Variants in SLC1A1 observed in about 807,000 individuals in gnomAD.
The protein encoded by SLC1A1 is excitatory amino acid transporter 3.
A neutral mutation model predicts 53.3 loss-of-function variants in SLC1A1; 43 were observed. The ratio of observed to expected loss-of-function variants is 0.81; its 90% CI spans 0.63 to 1.04. The LOEUF is 1.04. Ranked by LOEUF, SLC1A1 falls within the 50% of genes least tolerant of loss-of-function variation. The pLI, the probability that SLC1A1 is intolerant of heterozygous loss-of-function variation, is 0.00. For synonymous variants in SLC1A1, 307 were observed against 243.2 expected (o/e 1.26, Z -2.44); for missense variants, 748 against 664.9 (o/e 1.12, Z -1.37).
At chr9:4,520,017 T>C (rs1190807857) in intron 1 of SLC1A1, among the ~76,000 whole-genome samples, 1 of 152,254 alleles carries the variant, frequency 6.6e-6, no homozygotes, top group African/African-American at 2.4e-5. Flanking sequence ...TTCTGTTGGC[T>C]GTTTTGATTT....
At chr9:4,534,441 C>G (rs1466126751) in intron 1 of SLC1A1, among the ~76,000 whole-genome samples, 1 of 152,164 alleles carries the variant, frequency 6.6e-6, no homozygotes, top group Non-Finnish European at 1.5e-5. Context: ...CACCTCTACA[C>G]AAATAAACCA....
rs1586778556 is a variant in SLC1A1, at chr9:4,556,075, A to G, written c.233-5374A>G. 6.7e-6 allele frequency among the ~76,000 whole-genome samples: 1 copy of G among 150,354 alleles called. No individual in the cohort carries two copies. Among genetic ancestry groups the G allele is most frequent in the Non-Finnish European group, 1.5e-5 (1 of 67,772 alleles). On this transcript the variant is annotated intron_variant, in intron 2 of 11. Transcript: ENST00000262352. The surrounding 1 kb of genome is among the most constrained non-coding windows in gnomAD (Gnocchi z 4.1). ...ATGATATCGGCTCACTGCAACCTCC[A>G]CCTCCCAGGTTCAAGAGATTCTCCT...
chr9:4,556,573 T>A lies in SLC1A1; in HGVS notation c.233-4876T>A, dbSNP rs1005171114. On this transcript the variant is annotated intron_variant, in intron 2 of 11. Coordinates refer to ENST00000262352, the MANE Select transcript of SLC1A1 (RefSeq NM_004170.6). The surrounding 1 kb of genome is among the most constrained non-coding windows in gnomAD (Gnocchi z 4.1). ...GAGAGCAAGAAACCCGGGGGTCCAT[T>A]GAGAATAAAAACTCAGAACTAAAGG... Among the ~76,000 whole-genome samples, 4 of 152,104 alleles carry A rather than the reference T, an allele frequency of 2.6e-5. No homozygotes were observed. Among genetic ancestry groups the A allele is most frequent in the African/African-American group, 9.7e-5 (4 of 41,410 alleles).
chr9:4,550,405 T>G (rs1027192038), intron 2 of SLC1A1, among the ~76,000 whole-genome samples: 1 of 152,070 alleles, frequency 6.6e-6, no homozygotes, highest in Non-Finnish European at 1.5e-5. Flanking sequence ...TGGGAAAGGG[T>G]GGGAAGACAG....
intron 6 of SLC1A1, among the ~76,000 whole-genome samples, chr9:4,569,031 C>T (rs1819772292): frequency 1.3e-5 from 2 of 152,146 alleles, no homozygotes; most frequent in South Asian, 4.1e-4. Context: ...TTCATGAGCA[C>T]TTTATAGAAC....
At chr9:4,541,801 G>C (rs1419352160) in intron 1 of SLC1A1, among the ~76,000 whole-genome samples, 3 of 152,160 alleles carry the variant, frequency 2.0e-5, no homozygotes, top group Non-Finnish European at 4.4e-5. Flanking sequence ...AGGTGGGCCT[G>C]GCCTGCGTAC....
chr9:4,577,542 C>A (rs1479109431), intron 10 of SLC1A1, among the ~76,000 whole-genome samples: 1 of 152,182 alleles, frequency 6.6e-6, no homozygotes, highest in African/African-American at 2.4e-5. Context: ...GTGGCACAAT[C>A]TCGGCTCACC....
chr9:4,585,879 C>T lies in SLC1A1; in HGVS notation c.*321C>T. The T allele has an allele frequency of 3.1e-6, 1 of 318,652 alleles. No individual in the cohort carries two copies. The highest frequency in any genetic ancestry group is 3.6e-5 in the South Asian group (1 of 27,832). The allele number at this position is 318,652 out of a possible 1,614,324, so 19.7% of individuals were successfully genotyped here. A position where few individuals can be genotyped will look rare whatever the true frequency, so the allele number is the denominator to read the frequency against. On this transcript the variant is annotated 3_prime_UTR_variant, in exon 12 of 12. Transcript: ENST00000262352. The stretch of plus-strand genomic sequence containing the variant: ...GGTAATGGATATGAAAGAGAAAATG[C>T]TTTCTCATGCATAGACAAGTGTTTT...
chr9:4,531,885 A>G (rs1816484849), intron 1 of SLC1A1, among the ~76,000 whole-genome samples: 1 of 152,134 alleles, frequency 6.6e-6, no homozygotes, highest in East Asian at 1.9e-4. Context: ...AGGAAGCAAC[A>G]TCTGCTGTTC....
intron 2 of SLC1A1, chr9:4,559,898 T>G (rs1818768927): frequency 6.6e-6 from 1 of 152,220 alleles, no homozygotes; most frequent in Non-Finnish European, 1.5e-5. Flanking sequence ...AGAACGGCTT[T>G]TGACTCCGTT....
chr9:4,576,252 G>A (rs1586847006), intron 9 of SLC1A1, 129 bp downstream of exon 9: 7 of 885,624 alleles, frequency 7.9e-6, no homozygotes, highest in South Asian at 2.8e-5. Context: ...CCGTATTCTC[G>A]GCCCCTGGCC....
chr9:4,557,698 T>C (rs539555974), intron 2 of SLC1A1, among the ~76,000 whole-genome samples: 7 of 152,284 alleles, frequency 4.6e-5, no homozygotes, highest in Non-Finnish European at 1.0e-4. Flanking sequence ...ACTTTCCAAG[T>C]GCTTGCTAGC....
At chr9:4,503,760 C>G (rs371866301) in intron 1 of SLC1A1, among the ~76,000 whole-genome samples, 1 of 151,930 alleles carries the variant, frequency 6.6e-6, no homozygotes, top group South Asian at 2.1e-4. Context: ...CAATACTACA[C>G]AGGTCTGTCA....
chr9:4,506,927 T>C (rs1029081230), intron 1 of SLC1A1, among the ~76,000 whole-genome samples: 4 of 152,146 alleles, frequency 2.6e-5, no homozygotes, highest in African/African-American at 7.2e-5. Flanking sequence ...CCCACAGACA[T>C]ATAATAAAAG....
chr9:4,528,438 T>C (rs1185848109), intron 1 of SLC1A1, among the ~76,000 whole-genome samples: 5 of 151,996 alleles, frequency 3.3e-5, no homozygotes, highest in Admixed American at 1.3e-4. Flanking sequence ...TAGCTGGGCA[T>C]GGTGGCCGGT....
At chr9:4,535,572 T>C (rs1322626144) in intron 1 of SLC1A1, among the ~76,000 whole-genome samples, 2 of 152,142 alleles carry the variant, frequency 1.3e-5, no homozygotes, top group Non-Finnish European at 2.9e-5. Flanking sequence ...TACAAACAAA[T>C]GGAAGAACAT....
At chr9:4,547,210 C>T (rs1259770621) in intron 2 of SLC1A1, among the ~76,000 whole-genome samples, 1 of 152,182 alleles carries the variant, frequency 6.6e-6, no homozygotes, top group African/African-American at 2.4e-5. Context: ...GAGATTTTTG[C>T]AGTCTGGATG....
intron 1 of SLC1A1, among the ~76,000 whole-genome samples, chr9:4,525,011 G>A (rs894437224): frequency 6.6e-6 from 1 of 152,128 alleles, no homozygotes; most frequent in Non-Finnish European, 1.5e-5. Flanking sequence ...TTTTGCTGAG[G>A]ACAAACCAAC....
At chr9:4,545,694 G>C (rs751164677) in intron 2 of SLC1A1, among the ~76,000 whole-genome samples, 3 of 152,188 alleles carry the variant, frequency 2.0e-5, no homozygotes, top group Non-Finnish European at 2.9e-5. Context: ...CACCATATTC[G>C]AAAAGCCTAG....
Sources: gnomAD v4.1 joint callset for allele counts (sites outside exome capture counted in the v4.1 genomes callset) on GRCh38, gnomAD v4.1.1 for gene constraint, Gnocchi (gnomAD v3.1) non-coding constraint, MANE v1.5 for transcripts, NCBI Gene and HGNC (gene_info 2026-07-23, HGNC 2026-07-21) for gene names.